UBR2: variants seen among roughly 807,000 people sequenced by gnomAD.
UBR2 encodes ubiquitin protein ligase E3 component n-recognin 2, also known as E3 ubiquitin-protein ligase UBR2.
In UBR2, 92 loss-of-function variants were observed where a neutral mutation model predicts 247.9. The observed-to-expected ratio is 0.37, with a 90% confidence interval of 0.31 to 0.44. UBR2 has a LOEUF of 0.44. UBR2 is among the 20% of genes least tolerant of loss of function. UBR2 has a pLI of 1.00. For missense variants in UBR2, 1,613 were observed against 2,112.6 expected, an observed-to-expected ratio of 0.76 and a Z score of 4.64; for synonymous variants, 672 against 693.5, an observed-to-expected ratio of 0.97 and a Z score of 0.49.
Position 42,640,386 on chromosome 6 carries a change from GTGTGTGTGTGTGTGTGTGTGT to G in UBR2, c.1920+117_1920+137del. ...TCCAGAGGAACAGAACCAGTAAGGT[GTGTGTGTGTGTGTGTGTGTGT>G]GTGTGTGTGTGTGTGTGTGTGTGTG... On this transcript the variant is annotated intron_variant, in intron 16 of 46. Transcript: ENST00000372901. 19 of 460,652 alleles carry G rather than the reference GTGTGTGTGTGTGTGTGTGTGT, an allele frequency of 4.1e-5. 1 individual carries two copies. Among genetic ancestry groups the G allele is most frequent in the South Asian group, 6.0e-5 (2 of 33,318 alleles). 28.5% of individuals were successfully genotyped at this position (460,652 alleles called of 1,614,324 possible). A position where few individuals can be genotyped will look rare whatever the true frequency, so the allele number is the denominator to read the frequency against.
At chr6:42,638,023 A>G (rs73422534) in intron 15 of UBR2, among the ~76,000 whole-genome samples, 3,543 of 152,100 alleles carry the variant, frequency 0.023, 122 homozygotes, top group African/African-American at 0.08. Context: ...ATGTGAGGGT[A>G]TGTTTTTTGT....
intron 28 of UBR2, 66 bp downstream of exon 28, chr6:42,658,386 T>C: frequency 7.0e-7 from 1 of 1,420,576 alleles, no homozygotes; most frequent in South Asian, 1.3e-5. Context: ...ACAAAATAAA[T>C]TTATCTACAT....
chr6:42,591,057 G>A (rs1562289893), intron 2 of UBR2, among the ~76,000 whole-genome samples: 1 of 152,212 alleles, frequency 6.6e-6, no homozygotes, highest in East Asian at 1.9e-4. Context: ...TTTGAGACCA[G>A]CCTGGCCAAC....
intron 11 of UBR2, chr6:42,619,453 ATT>A (rs1554251969): frequency 0.019 from 447 of 23,762 alleles, 25 homozygotes; most frequent in Middle Eastern, 0.026. Flanking sequence ...ATATATATAT[ATT>A]TTTTTTTTTT....
chr6:42,628,863 G>T (rs1450191870), intron 11 of UBR2, among the ~76,000 whole-genome samples: 1 of 151,950 alleles, frequency 6.6e-6, no homozygotes, highest in African/African-American at 2.4e-5. Flanking sequence ...AAGCATAGAT[G>T]ATTATTATTA....
At position 42,570,562 on chromosome 6, in the gene UBR2, A is replaced by G. The variant is rs143121143; in HGVS notation, c.79-3172A>G. On this transcript the variant is annotated intron_variant, in intron 1 of 46. Transcript: ENST00000372901. The stretch of plus-strand genomic sequence containing the variant: ...TAAAGATTTGAAAAATGGGGAGCAT[A>G]TGCATGCCTTTCTTGGACCAGACTT... Among the ~76,000 whole-genome samples, 189 of 152,244 alleles carry G rather than the reference A, an allele frequency of 1.2e-3. 3 individuals are homozygous for G. Among genetic ancestry groups the G allele is most frequent in the African/African-American group, 4.3e-3 (178 of 41,564 alleles).
intron 11 of UBR2, 68 bp downstream of exon 11, chr6:42,617,575 C>T (rs1281444501): frequency 7.3e-7 from 1 of 1,360,838 alleles, no homozygotes; most frequent in Non-Finnish European, 1.0e-6. Context: ...TAATAGAGAA[C>T]TAAAGTCTGT....
Position 42,689,119 on chromosome 6 carries a change from C to T in UBR2, c.5025-450C>T, listed in dbSNP as rs116158868. Reference sequence around the variant, plus strand: ...CCTGTCTGCTCAAGGCAAGGAGGCGCGTGTCACTGGAGTGTTGTGCACAGG... The same window carrying T: ...CCTGTCTGCTCAAGGCAAGGAGGCGTGTGTCACTGGAGTGTTGTGCACAGG... On this transcript the variant is annotated intron_variant, in intron 45 of 46. Transcript: ENST00000372901. The surrounding 1 kb of genome is among the most constrained non-coding windows in gnomAD (Gnocchi z 4.0). Among the ~76,000 whole-genome samples, 1,889 of 152,194 alleles carry T rather than the reference C, an allele frequency of 0.012. 12 individuals carry two copies. Among genetic ancestry groups the T allele is most frequent in the African/African-American group, 0.024 (979 of 41,512 alleles).
chr6:42,573,190 G>T (rs1791276199), intron 1 of UBR2, among the ~76,000 whole-genome samples: 1 of 152,016 alleles, frequency 6.6e-6, no homozygotes, highest in South Asian at 2.1e-4. Context: ...GAGAAAGAAG[G>T]CATAATTGGT....
intron 36 of UBR2, 111 bp downstream of exon 36, chr6:42,670,826 T>C (rs4460209): frequency 0.41 from 304,373 of 746,218 alleles, 62,837 homozygotes; most frequent in African/African-American, 0.49. Context: ...ACTTCTTTCG[T>C]AGTAAAAACC....
At chr6:42,624,968 G>A (rs1457839474) in intron 11 of UBR2, among the ~76,000 whole-genome samples, 2 of 152,096 alleles carry the variant, frequency 1.3e-5, no homozygotes, top group Non-Finnish European at 2.9e-5. Context: ...TTTTGGAAAG[G>A]GCTATTATCT....
At chr6:42,640,375 A>G (rs1796349831) in intron 16 of UBR2, 105 bp downstream of exon 16, 2 of 682,036 alleles carry the variant, frequency 2.9e-6, no homozygotes, top group East Asian at 3.2e-5. Context: ...GAGGAACAGA[A>G]CCAGTAAGGT....
rs1311127971 is a variant in UBR2 at position 42,652,499 on chromosome 6, C to T, written c.2623C>T (p.Pro875Ser). The change falls in exon 25 of 47, where the codon CCT (proline) becomes TCT (serine). Residue 875 changes from proline (P) to serine (S), a missense_variant. Around this residue, in one of 3 missense-constraint regions of UBR2, gnomAD observed 1,524 missense variants for 1,967.3 expected, o/e 0.77. Transcript: ENST00000372901. ...AACAACTGTATTTTCAGCACTCCCA[C>T]CTCCGGTGTTGCCTCCATTCTGCCC... ...RQNREDTALP[P>S]PVLPPFCPLF... 1 of 1,603,810 alleles carries T rather than the reference C, an allele frequency of 6.2e-7. No individual in the cohort carries two copies. The highest frequency in any genetic ancestry group is 8.5e-7 in the Non-Finnish European group (1 of 1,177,706).
rs749768996 is a variant in UBR2 at position 42,659,073 on chromosome 6, C to A, written c.3242+249C>A. On this transcript the variant is annotated intron_variant, in intron 29 of 46. Transcript: ENST00000372901. The surrounding 1 kb of genome is among the most constrained non-coding windows in gnomAD (Gnocchi z 4.3). ...TTGGACATTCATGAAAGAATGAGTA[C>A]ACTACACTCAGTTACCTAGAGCGTA... Among the ~76,000 whole-genome samples the A allele has an allele frequency of 6.6e-6, 1 of 152,104 alleles. No individual in the cohort carries two copies. The highest frequency in any genetic ancestry group is 1.5e-5 in the Non-Finnish European group (1 of 68,030).
chr6:42,646,812 T>TAGAGAG (rs564000137), intron 21 of UBR2, among the ~76,000 whole-genome samples: 30 of 146,566 alleles, frequency 2.0e-4, no homozygotes, highest in South Asian at 8.6e-4. Flanking sequence ...TATGTTTATA[T>TAGAGAG]ATATATATAG....
chr6:42,644,490 C>A lies in UBR2; in HGVS notation c.2238C>A (p.Asn746Lys), dbSNP rs1238759240. The A allele has an allele frequency of 5.0e-6, 8 of 1,611,774 alleles. No individual in the cohort carries two copies. Among genetic ancestry groups the A allele is most frequent in the Non-Finnish European group, 6.8e-6 (8 of 1,179,318 alleles). ...TGTTATAGGATGTTGTTCAGCAGAA[C>A]AATACTCTAATAGAAGAAATGCTAT... ...EITHKDVVQQ[N>K]NTLIEEMLYL... Residue 746 changes from asparagine (N) to lysine (K), a missense_variant, in exon 20 of 47, where the codon AAC becomes AAA. Physicochemically the swap from Asn to Lys is moderately conservative, Grantham distance 94 (BLOSUM62 0). Transcript: ENST00000372901.
Position 42,652,075 on chromosome 6 carries a change from T to A in UBR2, c.2614+4T>A. The A allele has an allele frequency of 6.3e-7, 1 of 1,578,376 alleles. No homozygotes were observed. Among genetic ancestry groups the A allele is most frequent in the Non-Finnish European group, 8.6e-7 (1 of 1,167,360 alleles). ...AGACAAAATAGAGAAGATACAGGTA[T>A]TTTTAATCTTTCTGAAAATGTCTTG... is the stretch of plus-strand genomic sequence containing the variant. On this transcript the variant is annotated splice_donor_region_variant and intron_variant, in intron 24 of 46. Transcript: ENST00000372901.
In UBR2 at chr6:42,676,843, T is replaced by C; in HGVS notation, c.4448T>C (p.Leu1483Ser). 3.7e-6 allele frequency: 6 copies of C among 1,614,032 alleles called. No homozygotes were observed. Among genetic ancestry groups the C allele is most frequent in the South Asian group, 1.1e-5 (1 of 91,088 alleles). ...PCEEESAVLA[L>S]YKTLHQYTGS... is the part of the protein sequence containing the mutation. ...GAAGAAGAATCAGCAGTTCTTGCTT[T>C]GTATAAAACACTTCACCAGTATACG... The change falls in exon 40 of 47, where the codon TTG becomes TCG. Residue 1483 changes from leucine (L) to serine (S), a missense_variant. This residue lies in a region of UBR2 where 1,524 missense variants were observed against 1,967.3 expected (regional missense o/e 0.77). Coordinates refer to ENST00000372901, the MANE Select transcript of UBR2 (RefSeq NM_001363705.2).
rs1799754826 is a variant in UBR2, at chr6:42,691,613, C to A, written c.*440C>A. The A allele has an allele frequency of 4.6e-6, 1 of 217,030 alleles. No individual in the cohort carries two copies. Among genetic ancestry groups the A allele is most frequent in the Non-Finnish European group, 9.1e-6 (1 of 109,670 alleles). The allele number at this position is 217,030 out of a possible 1,614,324, so 13.4% of individuals were successfully genotyped here. A position where few individuals can be genotyped will look rare whatever the true frequency, so the allele number is the denominator to read the frequency against. On this transcript the variant is annotated 3_prime_UTR_variant, in exon 47 of 47. Transcript: ENST00000372901. Reference sequence around the variant, plus strand: ...CCCAACACTGGGACTGGGTTGGTGTCCCCTCTGCTGACAGGACCCTACTCC... The same window carrying A: ...CCCAACACTGGGACTGGGTTGGTGTACCCTCTGCTGACAGGACCCTACTCC...
Sources: allele counts gnomAD v4.1 joint callset (sites outside exome capture counted in the v4.1 genomes callset), GRCh38; gene constraint gnomAD v4.1.1; regional missense constraint gnomAD v4.1.1; non-coding constraint Gnocchi (gnomAD v3.1); transcripts MANE v1.5; gene names NCBI Gene and HGNC (gene_info 2026-07-23, HGNC 2026-07-21).